The following UNC5D variants were observed in gnomAD, a reference collection of about 807,000 sequenced individuals.
UNC5D encodes the protein netrin receptor UNC5D.
Under a neutral mutation model 105.4 loss-of-function variants are expected in UNC5D, and 39 were observed. That is an observed-to-expected ratio of 0.37 (90% CI 0.29 to 0.48). The LOEUF is 0.48. Among genes scored for constraint, UNC5D ranks in the 20% least tolerant of loss-of-function variants. The probability of loss-of-function intolerance (pLI) is 0.98; values close to 1 mark genes in which losing one functional copy is unlikely to be tolerated. For synonymous variants in UNC5D, 452 were observed against 450.4 expected, an observed-to-expected ratio of 1.00 and a Z score of -0.04; for missense variants, 991 against 1,202.4, an observed-to-expected ratio of 0.82 and a Z score of 2.60.
intron 1 of UNC5D, among the ~76,000 whole-genome samples, chr8:35,386,769 T>C (rs1170861375): frequency 6.6e-6 from 1 of 152,198 alleles, no homozygotes; most frequent in African/African-American, 2.4e-5. Flanking sequence ...ATAGGAAATG[T>C]CTAAATCTGT....
intron 1 of UNC5D, among the ~76,000 whole-genome samples, chr8:35,415,790 T>C (rs1229867353): frequency 6.6e-6 from 1 of 152,092 alleles, no homozygotes; most frequent in Non-Finnish European, 1.5e-5. Flanking sequence ...CCCTCTCTGC[T>C]CCCTATTCTC....
chr8:35,693,469 G>A (rs909579334), intron 7 of UNC5D, among the ~76,000 whole-genome samples: 10 of 152,124 alleles, frequency 6.6e-5, no homozygotes, highest in Non-Finnish European at 2.9e-5. Flanking sequence ...TATGATGGAT[G>A]CGTATTTCAT....
At chr8:35,444,257 A>G (rs1232907333) in intron 1 of UNC5D, among the ~76,000 whole-genome samples, 2 of 152,046 alleles carry the variant, frequency 1.3e-5, no homozygotes, top group Non-Finnish European at 1.5e-5. Flanking sequence ...ACATTCTGCT[A>G]GCTCTTCTTA....
chr8:35,536,324 G>T (rs1814833820), intron 1 of UNC5D, among the ~76,000 whole-genome samples: 1 of 152,116 alleles, frequency 6.6e-6, no homozygotes, highest in Admixed American at 6.6e-5. Flanking sequence ...AACTCAATCT[G>T]TGTATTAGGA....
At chr8:35,312,283 C>T (rs1330159637) in intron 1 of UNC5D, among the ~76,000 whole-genome samples, 1 of 152,124 alleles carries the variant, frequency 6.6e-6, no homozygotes, top group Non-Finnish European at 1.5e-5. Flanking sequence ...TGTAATTGTG[C>T]TTTTTACTGC....
intron 1 of UNC5D, among the ~76,000 whole-genome samples, chr8:35,472,294 A>G (rs895930049): frequency 6.6e-6 from 1 of 152,166 alleles, no homozygotes; most frequent in Non-Finnish European, 1.5e-5. Flanking sequence ...GGTGAGCATC[A>G]GTTTAGGAGA....
chr8:35,386,528 A>G (rs892058728), intron 1 of UNC5D, among the ~76,000 whole-genome samples: 3 of 152,104 alleles, frequency 2.0e-5, no homozygotes, highest in Admixed American at 6.6e-5. Context: ...CTGAGGAGGG[A>G]AAAAAAACGT....
chr8:35,769,440 C>T (rs897326958), intron 15 of UNC5D, among the ~76,000 whole-genome samples: 1 of 152,130 alleles, frequency 6.6e-6, no homozygotes, highest in Admixed American at 6.5e-5. Flanking sequence ...TTTTGTCTTC[C>T]AGTACCTGAA....
At chr8:35,721,391 G>A (rs1828576075) in intron 8 of UNC5D, 3 of 702,482 alleles carry the variant, frequency 4.3e-6, no homozygotes, top group Non-Finnish European at 7.8e-6. Context: ...GCGGGGTGGG[G>A]AGGCACCCAC....
chr8:35,434,592 C>T (rs1041031709), intron 1 of UNC5D, among the ~76,000 whole-genome samples: 3 of 152,132 alleles, frequency 2.0e-5, no homozygotes, highest in African/African-American at 7.2e-5. Context: ...TTAACTTTGT[C>T]TCCTCTTTCA....
intron 4 of UNC5D, among the ~76,000 whole-genome samples, chr8:35,612,241 G>A (rs575175312): frequency 2.6e-5 from 4 of 152,272 alleles, no homozygotes; most frequent in African/African-American, 9.6e-5. Flanking sequence ...GAAGGTCAAG[G>A]GTTTTTGTCA....
At chr8:35,370,854 TG>T (rs1301076835) in intron 1 of UNC5D, among the ~76,000 whole-genome samples, 2 of 152,170 alleles carry the variant, frequency 1.3e-5, no homozygotes, top group Non-Finnish European at 2.9e-5. Flanking sequence ...AAGACACCCA[TG>T]GATAATTTAT....
chr8:35,254,249 T>G (rs1341205912), intron 1 of UNC5D: 1 of 152,210 alleles, frequency 6.6e-6, no homozygotes, highest in African/African-American at 2.4e-5. Flanking sequence ...TTGAACTAAA[T>G]TGGGGTTTGG....
At chr8:35,540,402 C>T (rs891746727) in intron 1 of UNC5D, among the ~76,000 whole-genome samples, 1 of 150,770 alleles carries the variant, frequency 6.6e-6, no homozygotes, top group African/African-American at 2.4e-5. Context: ...CTAAAATTGC[C>T]ATAGTTTATG....
intron 6 of UNC5D, 114 bp from the exon 7 acceptor site, chr8:35,686,431 G>A (rs932392770): frequency 6.1e-5 from 71 of 1,158,548 alleles, no homozygotes; most frequent in Non-Finnish European, 8.3e-5. Flanking sequence ...TTTTGTTTCT[G>A]TTTGGTGGTT....
intron 1 of UNC5D, among the ~76,000 whole-genome samples, chr8:35,461,512 T>C (rs925041108): frequency 6.6e-6 from 1 of 152,192 alleles, no homozygotes. Context: ...GGATCATTAA[T>C]GGATCCCATA....
At chr8:35,599,530 T>A (rs1231463955) in intron 4 of UNC5D, among the ~76,000 whole-genome samples, 1 of 152,194 alleles carries the variant, frequency 6.6e-6, no homozygotes, top group Non-Finnish European at 1.5e-5. Context: ...GCTTCTCACA[T>A]CCAGGTGTTC....
At chr8:35,631,699 T>C (rs1239193639) in intron 4 of UNC5D, among the ~76,000 whole-genome samples, 1 of 152,164 alleles carries the variant, frequency 6.6e-6, no homozygotes, top group Admixed American at 6.5e-5. Context: ...CTGCAATACA[T>C]TTTGCTCCCT....
intron 1 of UNC5D, among the ~76,000 whole-genome samples, chr8:35,489,628 A>G (rs1376219823): frequency 6.6e-6 from 1 of 152,170 alleles, no homozygotes; most frequent in Non-Finnish European, 1.5e-5. Context: ...ACTGTGAGAA[A>G]CTAAGTATCT....
Sources: gnomAD v4.1 joint callset for allele counts (sites outside exome capture counted in the v4.1 genomes callset) on GRCh38, gnomAD v4.1.1 for gene constraint, MANE v1.5 for transcripts, NCBI Gene and HGNC (gene_info 2026-07-23, HGNC 2026-07-21) for gene names.